SAG: variants seen among roughly 807,000 people sequenced by gnomAD.
SAG encodes S-arrestin.
In SAG, 45 loss-of-function variants were observed where a neutral mutation model predicts 55.0. The ratio of observed to expected loss-of-function variants is 0.82; its 90% CI spans 0.64 to 1.05. SAG has a LOEUF of 1.05. SAG is among the 50% of genes least tolerant of loss of function. The pLI is 0.00. For synonymous variants in SAG, 189 were observed against 197.4 expected (o/e 0.96, Z 0.36); for missense variants, 455 against 512.1 (o/e 0.89, Z 1.08).
chr2:233,320,011 G>A (rs1700331330), intron 4 of SAG: 2 of 983,012 alleles, frequency 2.0e-6, no homozygotes, highest in Admixed American at 6.2e-5. Context: ...GGTCTACTGG[G>A]CGCACACTTC....
chr2:233,335,012 C>G lies in SAG; in HGVS notation c.857C>G (p.Pro286Arg). 1 of 1,614,014 alleles carries G rather than the reference C, an allele frequency of 6.2e-7. No homozygotes were observed. The highest frequency in any genetic ancestry group is 8.5e-7 in the Non-Finnish European group (1 of 1,179,880). Residue 286 changes from proline (P) to arginine (R), a missense_variant, in exon 11 of 16, where the codon CCC becomes CGC. Transcript: ENST00000409110. ...TTGACCAAGACGCTGACGCTGCTGC[C>G]CTTGCTGGCTAACAATCGAGAAAGG... Reference protein sequence around the residue: ...STLTKTLTLLPLLANNRERRG... With the variant: ...STLTKTLTLLRLLANNRERRG...
At position 233,319,851 on chromosome 2, in the gene SAG, C is replaced by G; in HGVS notation, c.182-779C>G. 1 of 985,774 alleles carries G rather than the reference C, an allele frequency of 1.0e-6. No homozygotes were observed. Among genetic ancestry groups the G allele is most frequent in the East Asian group, 1.1e-4 (1 of 8,820 alleles). The allele number at this position is 985,774 out of a possible 1,614,324, so 61.1% of individuals were successfully genotyped here. A position where few individuals can be genotyped will look rare whatever the true frequency, so the allele number is the denominator to read the frequency against. ...GCCACTGTTTCTTCTGAGTCAGCAG[C>G]GAAGGGCAGTTACCTTTGGGGCTTG... is the stretch of plus-strand genomic sequence containing the variant. On this transcript the variant is annotated intron_variant, in intron 4 of 15. Transcript: ENST00000409110. This position sits in a 1 kb window ranked among gnomAD's most constrained non-coding sequence, Gnocchi z 4.4.
rs1046974 is a variant in SAG, at chr2:233,346,901, G to A, written c.1207G>A (p.Val403Ile). 624,881 of 1,599,442 alleles carry A rather than the reference G, an allele frequency of 0.39. 127,320 individuals carry two copies. Among genetic ancestry groups the A allele is most frequent in the South Asian group, 0.44 (40,032 of 90,132 alleles). Residue 403 changes from valine to isoleucine, a missense_variant, in exon 16 of 16, where the codon GTT becomes ATT. By Grantham distance (29) the Val-to-Ile change is conservative. Coordinates refer to ENST00000409110, the MANE Select transcript of SAG (RefSeq NM_000541.5). ...GGAGGGGAAGAGAGACAAGAATGACGTTGATGAGTGAAGATGTCGGCTCAG... is the reference window on the plus strand; with the variant it reads ...GGAGGGGAAGAGAGACAAGAATGACATTGATGAGTGAAGATGTCGGCTCAG... ...AEEGKRDKND[V>I]DE is the part of the protein sequence containing the mutation.
At chr2:233,318,642 A>G in intron 3 of SAG, 109 bp from the exon 4 acceptor site, 2 of 949,076 alleles carry the variant, frequency 2.1e-6, no homozygotes, top group Admixed American at 2.0e-5. Flanking sequence ...TCTTTCTTAT[A>G]ATGAACATGG....
At chr2:233,322,456 A>C (rs2125330212) in intron 5 of SAG, among the ~76,000 whole-genome samples, 1 of 152,328 alleles carries the variant, frequency 6.6e-6, no homozygotes, top group Non-Finnish European at 1.5e-5. Context: ...CAGACTACAG[A>C]ACGTGATCAT....
rs1278163429 is a variant in SAG at position 233,319,001 on chromosome 2, G to A, written c.181+206G>A. The A allele has an allele frequency of 8.4e-6, 6 of 711,466 alleles. No individual in the cohort carries two copies. The highest frequency in any genetic ancestry group is 2.7e-5 in the East Asian group (1 of 36,906). The allele number at this position is 711,466 out of a possible 1,614,324, so 44.1% of individuals were successfully genotyped here. The stretch of plus-strand genomic sequence containing the variant: ...GTCCTGTTGACACCAGAGCTCACTC[G>A]CTCAGCAAAGTCATTGTCCAGGGTG... On this transcript the variant is annotated intron_variant, in intron 4 of 15. Coordinates refer to ENST00000409110, the MANE Select transcript of SAG (RefSeq NM_000541.5). This position sits in a 1 kb window ranked among gnomAD's most constrained non-coding sequence, Gnocchi z 4.4.
At chr2:233,331,791 A>G (rs1700774868) in intron 10 of SAG, 79 bp downstream of exon 10, 1 of 1,007,776 alleles carries the variant, frequency 9.9e-7, no homozygotes. Flanking sequence ...TTGCTGAAGA[A>G]GGAACTAGAA....
rs146586703 is a variant in SAG at position 233,310,410 on chromosome 2, G to C, written c.75+1146G>C. Among the ~76,000 whole-genome samples, 289 of 151,506 alleles carry C rather than the reference G, an allele frequency of 1.9e-3. 1 individual carries two copies. Among genetic ancestry groups the C allele is most frequent in the African/African-American group, 6.6e-3 (273 of 41,284 alleles). On this transcript the variant is annotated intron_variant, in intron 2 of 15. Transcript: ENST00000409110. Reference sequence around the variant, plus strand: ...ATCTGATGTGTATTTTATGTTTACAGAACATGTCAATTTGGAATGGCCATA... The same window carrying C: ...ATCTGATGTGTATTTTATGTTTACACAACATGTCAATTTGGAATGGCCATA...
chr2:233,318,104 G>A (rs1263699859), intron 3 of SAG, among the ~76,000 whole-genome samples: 1 of 152,056 alleles, frequency 6.6e-6, no homozygotes, highest in Non-Finnish European at 1.5e-5. Flanking sequence ...CTCTCACATA[G>A]CTGGGACCAC....
At chr2:233,327,221 G>A in intron 7 of SAG, 24 bp downstream of exon 7, 1 of 1,595,700 alleles carries the variant, frequency 6.3e-7, no homozygotes, top group Non-Finnish European at 8.6e-7. Flanking sequence ...TGCGGAATAG[G>A]TGAGGGGTCT....
At chr2:233,322,340 G>A (rs2125330127) in intron 5 of SAG, among the ~76,000 whole-genome samples, 1 of 152,262 alleles carries the variant, frequency 6.6e-6, no homozygotes, top group East Asian at 1.9e-4. Context: ...TACGTTAAGT[G>A]TACATTATAG....
At position 233,340,616 on chromosome 2, in the gene SAG, T is replaced by G; in HGVS notation, c.1046+138T>G. On this transcript the variant is annotated intron_variant, in intron 13 of 15. Coordinates refer to ENST00000409110, the MANE Select transcript of SAG (RefSeq NM_000541.5). The surrounding 1 kb of genome is among the most constrained non-coding windows in gnomAD (Gnocchi z 4.2). ...AGGTGTTAGGAATGATGCTTTGCCT[T>G]CGGATGCATCACAGAACCGTGGCTC... 1 of 695,672 alleles carries G rather than the reference T, an allele frequency of 1.4e-6. No homozygotes were observed. The highest frequency in any genetic ancestry group is 2.6e-6 in the Non-Finnish European group (1 of 391,508). The allele number at this position is 695,672 out of a possible 1,614,324, so 43.1% of individuals were successfully genotyped here.
chr2:233,322,818 A>G (rs1373427809), intron 5 of SAG, 128 bp from the exon 6 acceptor site: 1 of 659,302 alleles, frequency 1.5e-6, no homozygotes, highest in Non-Finnish European at 2.7e-6. Flanking sequence ...TGTCAGGAGT[A>G]TAGGTGAATG....
intron 12 of SAG, among the ~76,000 whole-genome samples, chr2:233,339,243 G>A (rs962092213): frequency 9.2e-5 from 14 of 152,180 alleles, no homozygotes; most frequent in Non-Finnish European, 4.4e-5. Context: ...AGTTTTAAGG[G>A]AACAGGTTTC....
intron 5 of SAG, among the ~76,000 whole-genome samples, chr2:233,321,693 C>A (rs1027634493): frequency 6.6e-6 from 1 of 152,092 alleles, no homozygotes; most frequent in Non-Finnish European, 1.5e-5. Context: ...GTGGTGATTA[C>A]TGCAGAATGG....
At position 233,338,700 on chromosome 2, in the gene SAG, C is replaced by G. The variant is rs370127904; in HGVS notation, c.969C>G (p.Thr323=). 30 of 1,613,798 alleles carry G rather than the reference C, an allele frequency of 1.9e-5. No homozygotes were observed. Among genetic ancestry groups the G allele is most frequent in the Admixed American group, 1.0e-4 (6 of 59,996 alleles). The change falls in exon 12 of 16, where the codon ACC becomes ACG. Residue 323 remains threonine (T), a synonymous_variant. Coordinates refer to ENST00000409110, the MANE Select transcript of SAG (RefSeq NM_000541.5). ...GCATTAAGGAGGGCATAGACCGGAC[C>G]GTCCTGGGAATCCTGGTGTCTTACC... ...STIIKEGIDR[T]VLGILVSYQI...
chr2:233,320,582 G>C (rs373499033), intron 4 of SAG, 48 bp from the exon 5 acceptor site: 15 of 1,453,736 alleles, frequency 1.0e-5, no homozygotes, highest in African/African-American at 5.7e-5. Flanking sequence ...GTGGTGGTGG[G>C]TGCCAGGCCG....
chr2:233,315,706 CTTT>C (rs59411344), intron 2 of SAG, among the ~76,000 whole-genome samples: 6 of 139,146 alleles, frequency 4.3e-5, no homozygotes, highest in Admixed American at 7.2e-5. Context: ...TTCTTTCTTT[CTTT>C]TTTTTTTTTT....
At chr2:233,346,710 T>A in intron 15 of SAG, 97 bp from the exon 16 acceptor site, 1 of 893,898 alleles carries the variant, frequency 1.1e-6, no homozygotes, top group Non-Finnish European at 1.8e-6. Context: ...GGGGAAAACC[T>A]TGATCAGTTC....
Sources: gnomAD v4.1 joint callset for allele counts (sites outside exome capture counted in the v4.1 genomes callset) on GRCh38, gnomAD v4.1.1 for gene constraint, Gnocchi (gnomAD v3.1) non-coding constraint, MANE v1.5 for transcripts, NCBI Gene and HGNC (gene_info 2026-07-23, HGNC 2026-07-21) for gene names.